Variants in TENM3 observed in about 807,000 individuals in gnomAD.
TENM3 encodes teneurin transmembrane protein 3, also known as teneurin-3.
A neutral mutation model predicts 255.1 loss-of-function variants in TENM3; 63 were observed. The ratio of observed to expected loss-of-function variants is 0.25; its 90% CI spans 0.20 to 0.30. TENM3 has a LOEUF of 0.30. Ranked by LOEUF, TENM3 falls within the 10% of genes least tolerant of loss-of-function variation. The pLI, the probability that TENM3 is intolerant of heterozygous loss-of-function variation, is 1.00. For synonymous variants in TENM3, 1,306 were observed against 1,322.3 expected, an observed-to-expected ratio of 0.99 and a Z score of 0.27; for missense variants, 2,929 against 3,461.1, an observed-to-expected ratio of 0.85 and a Z score of 3.86.
At chr4:181,659,717 A>G in the TENM3 span, among the ~76,000 whole-genome samples, 16 of 152,328 alleles carry the variant, frequency 1.1e-4, no homozygotes, top group East Asian at 3.1e-3. Flanking sequence ...GCTGTTTTTC[A>G]TCTGCTCTTG....
At chr4:181,474,790 A>C in the TENM3 span, among the ~76,000 whole-genome samples, 16 of 151,778 alleles carry the variant, frequency 1.1e-4, 1 homozygote, top group South Asian at 3.3e-3. Flanking sequence ...AGTGATTTTC[A>C]ATTTTTCCTT....
At chr4:181,529,197 T>A in the TENM3 span, among the ~76,000 whole-genome samples, 3 of 152,210 alleles carry the variant, frequency 2.0e-5, no homozygotes, top group Non-Finnish European at 4.4e-5. Flanking sequence ...GTGGAGCTTC[T>A]GCTCCCCTTA....
At chr4:182,727,478 A>G (rs561769614) in intron 13 of TENM3, among the ~76,000 whole-genome samples, 2 of 125,752 alleles carry the variant, frequency 1.6e-5, no homozygotes, top group East Asian at 5.0e-4. Flanking sequence ...AGAAAAATTC[A>G]TGTTTTTCAA....
At chr4:181,574,663 C>T in the TENM3 span, among the ~76,000 whole-genome samples, 1 of 152,050 alleles carries the variant, frequency 6.6e-6, no homozygotes, top group Non-Finnish European at 1.5e-5. Flanking sequence ...GTTATTAGAC[C>T]ACCATGGAAA....
chr4:182,564,766 T>G (rs373496771), intron 3 of TENM3, among the ~76,000 whole-genome samples: 1 of 152,200 alleles, frequency 6.6e-6, no homozygotes, highest in Non-Finnish European at 1.5e-5. Context: ...CATCTGGTAG[T>G]TGATCTGCAG....
the TENM3 span, among the ~76,000 whole-genome samples, chr4:181,664,418 C>T: frequency 1.3e-5 from 2 of 151,472 alleles, no homozygotes; most frequent in Admixed American, 6.6e-5. Context: ...TGCAGTGGGC[C>T]CAGGTCGCAC....
the TENM3 span, among the ~76,000 whole-genome samples, chr4:181,800,427 T>C: frequency 6.6e-6 from 1 of 151,452 alleles, no homozygotes; most frequent in Non-Finnish European, 1.5e-5. Flanking sequence ...AGGCCAGGAG[T>C]TCAAGACCAG....
intron 1 of TENM3, among the ~76,000 whole-genome samples, chr4:182,260,258 G>A (rs1034507172): frequency 1.3e-5 from 2 of 152,162 alleles, no homozygotes; most frequent in African/African-American, 4.8e-5. Flanking sequence ...ATACCCAGTA[G>A]TGGAATTGCT....
intron 13 of TENM3, 72 bp downstream of exon 13, chr4:182,714,305 T>A: frequency 1.7e-5 from 7 of 406,960 alleles, no homozygotes; most frequent in Non-Finnish European, 2.4e-5. Context: ...AGTACATAGA[T>A]ATCTGTTGCC....
the TENM3 span, among the ~76,000 whole-genome samples, chr4:181,470,118 A>AAC: frequency 7.7e-6 from 1 of 129,148 alleles, no homozygotes; most frequent in East Asian, 2.3e-4. Context: ...TAAAAAAAAA[A>AAC]AAAAAAACAT....
At chr4:181,778,226 G>A in the TENM3 span, among the ~76,000 whole-genome samples, 8,668 of 151,400 alleles carry the variant, frequency 0.057, 465 homozygotes, top group African/African-American at 0.14. Flanking sequence ...TAGTACCTCC[G>A]CAGCAAAAAA....
At position 182,672,998 on chromosome 4, in the gene TENM3, C is replaced by T; in HGVS notation, c.1112-7C>T. ...TTGTTCTTCATCAGTGCATCTCTTA[C>T]ATTCAGGAAAATTAGGTGGATTTAC... is the stretch of plus-strand genomic sequence containing the variant. On this transcript the variant is annotated splice_polypyrimidine_tract_variant and splice_region_variant and intron_variant, in intron 6 of 27. Coordinates refer to ENST00000511685, the MANE Select transcript of TENM3 (RefSeq NM_001080477.4). 6.4e-7 allele frequency: 1 copy of T among 1,562,048 alleles called. No homozygotes were observed. The highest frequency in any genetic ancestry group is 8.7e-7 in the Non-Finnish European group (1 of 1,148,486).
chr4:182,100,050 T>C, the TENM3 span, among the ~76,000 whole-genome samples: 1 of 152,054 alleles, frequency 6.6e-6, no homozygotes, highest in Non-Finnish European at 1.5e-5. Context: ...TGCAGGTAAG[T>C]TACGTACATT....
At chr4:181,840,531 C>T in the TENM3 span, among the ~76,000 whole-genome samples, 6 of 152,074 alleles carry the variant, frequency 3.9e-5, no homozygotes, top group South Asian at 2.1e-4. Context: ...TTATGAATTA[C>T]GGACAGTAGG....
chr4:181,966,881 G>C, the TENM3 span, among the ~76,000 whole-genome samples: 1 of 152,078 alleles, frequency 6.6e-6, no homozygotes, highest in Non-Finnish European at 1.5e-5. Context: ...CCACCTATTA[G>C]TGTATAAGGA....
chr4:182,357,655 C>T (rs1355825037), intron 3 of TENM3, among the ~76,000 whole-genome samples: 2 of 150,818 alleles, frequency 1.3e-5, no homozygotes, highest in Non-Finnish European at 3.0e-5. Flanking sequence ...ACTTTTCTCC[C>T]ATTTTGTGGG....
chr4:182,454,769 T>C (rs1203340857), intron 3 of TENM3, among the ~76,000 whole-genome samples: 1 of 152,254 alleles, frequency 6.6e-6, no homozygotes, highest in Admixed American at 6.5e-5. Context: ...AAAATGGCAT[T>C]CTTGCTTATA....
At chr4:182,352,939 C>T (rs1765277299) in intron 3 of TENM3, among the ~76,000 whole-genome samples, 1 of 152,098 alleles carries the variant, frequency 6.6e-6, no homozygotes, top group African/African-American at 2.4e-5. Flanking sequence ...TCCTGAACAA[C>T]TGCAGATAGG....
In TENM3 at chr4:182,336,555, C is replaced by T. The variant is rs973845718; in HGVS notation, c.233-10096C>T. Among the ~76,000 whole-genome samples, 9 of 152,294 alleles carry T rather than the reference C, an allele frequency of 5.9e-5. No individual in the cohort carries two copies. In the East Asian group the frequency reaches 1.7e-3, roughly 29 times the overall value. The stretch of plus-strand genomic sequence containing the variant: ...CAAAGGCCAAAAATAATTCCTGCTT[C>T]GGAACTGCAGCAGGTTGGTTCTACC... On this transcript the variant is annotated intron_variant, in intron 2 of 27. Coordinates refer to ENST00000511685, the MANE Select transcript of TENM3 (RefSeq NM_001080477.4).
Sources: allele counts gnomAD v4.1 joint callset (sites outside exome capture counted in the v4.1 genomes callset), GRCh38; gene constraint gnomAD v4.1.1; transcripts MANE v1.5; gene names NCBI Gene and HGNC (gene_info 2026-07-23, HGNC 2026-07-21).